Variants in MYL4 observed in about 807,000 individuals in gnomAD.
MYL4 encodes the protein atrial myosin light chain 1.
Under a neutral mutation model 21.6 loss-of-function variants are expected in MYL4, and 16 were observed. That is an observed-to-expected ratio of 0.74 (90% CI 0.50 to 1.12). MYL4 has a LOEUF of 1.12. Among genes scored for constraint, MYL4 ranks in the 50% most tolerant of loss-of-function variants. The pLI is 0.00. For missense variants in MYL4, 249 were observed against 252.9 expected (o/e 0.98, Z 0.11); for synonymous variants, 82 against 95.7 (o/e 0.86, Z 0.83).
upstream of MYL4, among the ~76,000 whole-genome samples, chr17:47,198,013 T>A (rs1289415249): frequency 6.6e-6 from 1 of 152,172 alleles, no homozygotes; most frequent in Non-Finnish European, 1.5e-5. Context: ...GAGCTGTTGA[T>A]GATGATTGAG....
At chr17:47,219,394 T>A (rs1387456897) in intron 2 of MYL4, among the ~76,000 whole-genome samples, 3 of 152,190 alleles carry the variant, frequency 2.0e-5, no homozygotes, top group African/African-American at 7.2e-5. Context: ...AATTTAGGAA[T>A]CCTCACTTCT....
At chr17:47,189,705 T>C in the MYL4 span, among the ~76,000 whole-genome samples, 1 of 152,272 alleles carries the variant, frequency 6.6e-6, no homozygotes, top group African/African-American at 2.4e-5. Context: ...TGGGGCTGTC[T>C]TTAATGAATC....
At chr17:47,217,508 A>AT (rs2064823851) in intron 2 of MYL4, among the ~76,000 whole-genome samples, 1 of 152,126 alleles carries the variant, frequency 6.6e-6, no homozygotes, top group African/African-American at 2.4e-5. Context: ...GGTAGGTGTT[A>AT]TTTCCTTTTT....
At chr17:47,213,852 C>G in intron 2 of MYL4, 26 bp downstream of exon 2, 5 of 1,612,500 alleles carry the variant, frequency 3.1e-6, no homozygotes, top group Non-Finnish European at 4.2e-6. Context: ...CCCACCTCTC[C>G]GTCTCTATTG....
chr17:47,218,785 T>G (rs1024294049), intron 2 of MYL4, among the ~76,000 whole-genome samples: 13 of 152,234 alleles, frequency 8.5e-5, no homozygotes, highest in Non-Finnish European at 1.6e-4. Context: ...AGACTCTGTC[T>G]CAAACAAAAA....
At chr17:47,208,295 G>A (rs1365849032), upstream of MYL4, among the ~76,000 whole-genome samples, 1 of 152,082 alleles carries the variant, frequency 6.6e-6, no homozygotes, top group Non-Finnish European at 1.5e-5. Flanking sequence ...TTAGCCAAGT[G>A]TGCTGGTGTG....
upstream of MYL4, among the ~76,000 whole-genome samples, chr17:47,199,520 T>C (rs2064701798): frequency 6.6e-6 from 1 of 151,998 alleles, no homozygotes; most frequent in Non-Finnish European, 1.5e-5. Context: ...TAAGAGACCA[T>C]TCCTGGCCCC....
upstream of MYL4, among the ~76,000 whole-genome samples, chr17:47,197,100 T>G (rs200413801): frequency 0.075 from 5,115 of 68,500 alleles, 121 homozygotes; most frequent in Non-Finnish European, 0.13. Context: ...GGGTTTTTTT[T>G]TTTTTTTTTT....
At chr17:47,222,931 C>G in intron 5 of MYL4, 83 bp from the exon 6 acceptor site, 1 of 1,525,994 alleles carries the variant, frequency 6.6e-7, no homozygotes, top group Non-Finnish European at 9.1e-7. Context: ...GGTTAGAAGT[C>G]AGGCAGTGTA....
chr17:47,198,295 A>G (rs930662953), upstream of MYL4, among the ~76,000 whole-genome samples: 1 of 152,218 alleles, frequency 6.6e-6, no homozygotes, highest in Non-Finnish European at 1.5e-5. Context: ...TTCTAACCAG[A>G]AGACTGCTTA....
At position 47,221,896 on chromosome 17, in the gene MYL4, T is replaced by A. The variant is rs573506046; in HGVS notation, c.487+41T>A. 26 of 1,588,026 alleles carry A rather than the reference T, an allele frequency of 1.6e-5. No homozygotes were observed. The South Asian group carries it at 2.6e-4, about 16-fold the overall frequency. On this transcript the variant is annotated intron_variant, in intron 4 of 6. Transcript: ENST00000393450. ...AGAGATGAAGACCAAGTGGGAGGAA[T>A]GGAGGGGTGGGAGGTGCCAAGGTGA...
At chr17:47,194,265 T>C in the MYL4 span, among the ~76,000 whole-genome samples, 1 of 152,228 alleles carries the variant, frequency 6.6e-6, no homozygotes, top group Non-Finnish European at 1.5e-5. Context: ...TCTTTTCCAT[T>C]GCCCAAAAGA....
intron 1 of MYL4, among the ~76,000 whole-genome samples, chr17:47,212,164 C>A (rs1298236918): frequency 6.6e-6 from 1 of 152,022 alleles, no homozygotes; most frequent in East Asian, 1.9e-4. Flanking sequence ...CGCAGTGAGC[C>A]AAGATCACAC....
At chr17:47,223,953 C>A (rs1326670388), downstream of MYL4, among the ~76,000 whole-genome samples, 3 of 152,136 alleles carry the variant, frequency 2.0e-5, no homozygotes, top group Non-Finnish European at 4.4e-5. Flanking sequence ...CACCCTCTAC[C>A]TAATCACACC....
At chr17:47,191,535 A>G in the MYL4 span, among the ~76,000 whole-genome samples, 1 of 152,132 alleles carries the variant, frequency 6.6e-6, no homozygotes, top group Non-Finnish European at 1.5e-5. Context: ...TAATGGCGCA[A>G]TCTCGGCTGA....
chr17:47,223,737 T>G (rs1300292321), downstream of MYL4: 4 of 151,490 alleles, frequency 2.6e-5, no homozygotes, highest in Non-Finnish European at 5.9e-5. Context: ...TTGGTTTGCG[T>G]TGTGTGTGTG....
intron 3 of MYL4, among the ~76,000 whole-genome samples, chr17:47,220,275 C>T (rs1914356844): frequency 6.6e-6 from 1 of 152,182 alleles, no homozygotes; most frequent in African/African-American, 2.4e-5. Flanking sequence ...GGCTTGTTTC[C>T]CTCACGAGGT....
chr17:47,201,909 A>C (rs1270927299), intron 1 of MYL4, among the ~76,000 whole-genome samples: 1 of 152,224 alleles, frequency 6.6e-6, no homozygotes, highest in Non-Finnish European at 1.5e-5. Flanking sequence ...ATTATTAAAA[A>C]TTTTAATAAT....
intron 2 of MYL4, among the ~76,000 whole-genome samples, chr17:47,214,291 C>T (rs2149044034): frequency 6.6e-6 from 1 of 152,282 alleles, no homozygotes; most frequent in South Asian, 2.1e-4. Flanking sequence ...CATTTCTGTT[C>T]CCATTATTGG....
Sources: gnomAD v4.1 joint callset for allele counts (sites outside exome capture counted in the v4.1 genomes callset) on GRCh38, gnomAD v4.1.1 for gene constraint, MANE v1.5 for transcripts, NCBI Gene and HGNC (gene_info 2026-07-23, HGNC 2026-07-21) for gene names.